The following GTPBP10 variants were observed in gnomAD, a reference collection of about 807,000 sequenced individuals.
GTPBP10 encodes GTP-binding protein 10.
A neutral mutation model predicts 44.8 loss-of-function variants in GTPBP10; 38 were observed. That is an observed-to-expected ratio of 0.85 (90% CI 0.65 to 1.11). GTPBP10 has a LOEUF of 1.11. GTPBP10 is among the 50% of genes most tolerant of loss of function. The pLI is 0.00. For synonymous variants in GTPBP10, 152 were observed against 150.6 expected (o/e 1.01, Z -0.07); for missense variants, 462 against 453.7 (o/e 1.02, Z -0.17).
Position 90,371,487 on chromosome 7 carries a change from G to A in GTPBP10, c.465-668G>A, listed in dbSNP as rs753327595. 8.3e-4 allele frequency among the ~76,000 whole-genome samples: 126 copies of A among 152,176 alleles called. 2 individuals are homozygous for A. Among genetic ancestry groups the A allele is most frequent in the Middle Eastern group, 3.2e-3 (1 of 316 alleles). ...TAGAGGGAAAAAGAGCATGTTAAGT[G>A]TCCATGTAGGTGCTAGTAGAAAAAT... On this transcript the variant is annotated intron_variant, in intron 4 of 9. Coordinates refer to ENST00000222511, the MANE Select transcript of GTPBP10 (RefSeq NM_033107.4).
intron 1 of GTPBP10, among the ~76,000 whole-genome samples, chr7:90,347,893 A>G (rs961611645): frequency 3.9e-5 from 6 of 152,252 alleles, no homozygotes; most frequent in Admixed American, 6.5e-5. Flanking sequence ...CATGTAGTAC[A>G]GAGCAAAGAG....
intron 4 of GTPBP10, among the ~76,000 whole-genome samples, chr7:90,359,966 G>A (rs551128053): frequency 4.6e-5 from 7 of 152,194 alleles, no homozygotes; most frequent in East Asian, 1.9e-4. Flanking sequence ...CATATCCTTC[G>A]CCCACTTTTT....
At chr7:90,375,657 A>G (rs1295321648) in intron 6 of GTPBP10, among the ~76,000 whole-genome samples, 3 of 152,192 alleles carry the variant, frequency 2.0e-5, no homozygotes, top group Non-Finnish European at 2.9e-5. Context: ...AAGGGAAATC[A>G]GTAGAGGAAA....
At position 90,385,287 on chromosome 7, in the gene GTPBP10, A is replaced by C; in HGVS notation, c.*133A>C. ...AGAAAGACAAATGCTGCATAATCTC[A>C]CTGTGGAATCTTAAGTTGAACTCAT... On this transcript the variant is annotated 3_prime_UTR_variant, in exon 10 of 10. Transcript: ENST00000222511. 1.5e-5 allele frequency: 9 copies of C among 617,590 alleles called. No individual in the cohort carries two copies. Among genetic ancestry groups the C allele is most frequent in the East Asian group, 5.8e-5 (2 of 34,494 alleles). 38.3% of individuals were successfully genotyped at this position (617,590 alleles called of 1,614,324 possible). A position where few individuals can be genotyped will look rare whatever the true frequency, so the allele number is the denominator to read the frequency against.
chr7:90,363,800 A>G (rs1010539869), intron 4 of GTPBP10, among the ~76,000 whole-genome samples: 24 of 152,120 alleles, frequency 1.6e-4, no homozygotes, highest in Non-Finnish European at 3.1e-4. Context: ...GTCTTTTCAC[A>G]TAGTCCCATA....
intron 4 of GTPBP10, 120 bp from the exon 5 acceptor site, chr7:90,372,035 T>G: frequency 1.7e-6 from 1 of 590,622 alleles, no homozygotes; most frequent in Non-Finnish European, 2.9e-6. Flanking sequence ...TCAAGATTAT[T>G]TATAATACAT....
intron 4 of GTPBP10, among the ~76,000 whole-genome samples, chr7:90,365,711 A>G (rs1342066511): frequency 6.6e-6 from 1 of 152,178 alleles, no homozygotes; most frequent in African/African-American, 2.4e-5. Flanking sequence ...TCATCTGCCA[A>G]CAGGACAATT....
In GTPBP10 at chr7:90,355,510, A is replaced by G. The variant is rs1795878969; in HGVS notation, c.464+280A>G. Among the ~76,000 whole-genome samples, 3 of 152,322 alleles carry G rather than the reference A, an allele frequency of 2.0e-5. No individual in the cohort carries two copies. In the South Asian group the frequency reaches 6.2e-4, roughly 32 times the overall value. ...GAAAGAAAAATCAATCAAATGCAAT[A>G]TTACAAGATGGTTAAATAATGTTAC... On this transcript the variant is annotated intron_variant, in intron 4 of 9. Coordinates refer to ENST00000222511, the MANE Select transcript of GTPBP10 (RefSeq NM_033107.4).
intron 8 of GTPBP10, 130 bp downstream of exon 8, chr7:90,378,341 T>A: frequency 8.2e-7 from 1 of 1,214,494 alleles, no homozygotes; most frequent in South Asian, 2.1e-5. Context: ...AAGAATTACT[T>A]AAACTTGTTG....
intron 4 of GTPBP10, among the ~76,000 whole-genome samples, chr7:90,366,719 CAA>C (rs57926111): frequency 0.21 from 29,134 of 138,364 alleles, 2,937 homozygotes; most frequent in South Asian, 0.23. Flanking sequence ...TAGATTCTTT[CAA>C]AAAAAAAAAA....
chr7:90,385,042 A>C lies in GTPBP10; in HGVS notation c.1052A>C (p.Asn351Thr), dbSNP rs374680644. 1 of 1,613,910 alleles carries C rather than the reference A, an allele frequency of 6.2e-7. No individual in the cohort carries two copies. The highest frequency in any genetic ancestry group is 8.5e-7 in the Non-Finnish European group (1 of 1,179,932). Residue 351 changes from asparagine (N) to threonine (T), a missense_variant, in exon 10 of 10, where the codon AAT (asparagine) becomes ACT (threonine). Physicochemically the swap from Asn to Thr is moderately conservative, Grantham distance 65 (BLOSUM62 0). Transcript: ENST00000222511. ...KSLDEQANQE[N>T]DALHKKQLLN... Reference sequence around the variant, plus strand: ...CTGGATGAACAGGCCAACCAGGAAAATGATGCACTTCATAAGAAACAGTTG... The same window carrying C: ...CTGGATGAACAGGCCAACCAGGAAACTGATGCACTTCATAAGAAACAGTTG...
At chr7:90,357,452 C>T (rs1416877210) in intron 4 of GTPBP10, among the ~76,000 whole-genome samples, 2 of 152,064 alleles carry the variant, frequency 1.3e-5, no homozygotes, top group African/African-American at 2.4e-5. Context: ...CATTAAGAAA[C>T]CTCACATAAT....
At chr7:90,360,108 T>G (rs1795985199) in intron 4 of GTPBP10, among the ~76,000 whole-genome samples, 1 of 152,074 alleles carries the variant, frequency 6.6e-6, no homozygotes, top group African/African-American at 2.4e-5. Flanking sequence ...ACTCCGATGG[T>G]AGTTTCTTTT....
chr7:90,378,382 C>A, intron 8 of GTPBP10, 171 bp downstream of exon 8: 1 of 485,910 alleles, frequency 2.1e-6, no homozygotes, highest in Non-Finnish European at 2.7e-6. Context: ...ATTTGCTCCT[C>A]AAACTACTGC....
chr7:90,380,337 C>G (rs766989245), intron 8 of GTPBP10, among the ~76,000 whole-genome samples: 9 of 152,164 alleles, frequency 5.9e-5, no homozygotes, highest in Non-Finnish European at 1.3e-4. Flanking sequence ...CCTGGCTTCC[C>G]AGAGTGCTGG....
intron 4 of GTPBP10, among the ~76,000 whole-genome samples, chr7:90,363,764 A>G (rs1435968268): frequency 6.6e-6 from 1 of 152,190 alleles, no homozygotes; most frequent in African/African-American, 2.4e-5. Context: ...CATCACTTTC[A>G]GGTACACCAA....
intron 4 of GTPBP10, among the ~76,000 whole-genome samples, chr7:90,361,162 A>C (rs1224615042): frequency 6.6e-6 from 1 of 152,176 alleles, no homozygotes; most frequent in African/African-American, 2.4e-5. Context: ...CAGAACTTCC[A>C]ATACTATGTT....
chr7:90,360,763 A>G (rs1001316353), intron 4 of GTPBP10, among the ~76,000 whole-genome samples: 2 of 152,146 alleles, frequency 1.3e-5, no homozygotes, highest in Admixed American at 6.5e-5. Context: ...GATTCTTCCT[A>G]TCGATGAGCA....
chr7:90,353,583 T>A lies in GTPBP10; in HGVS notation c.227+574T>A, dbSNP rs189024833. Among the ~76,000 whole-genome samples, 249 of 151,842 alleles carry A rather than the reference T, an allele frequency of 1.6e-3. 4 individuals carry two copies. The highest frequency in any genetic ancestry group is 0.015 in the Admixed American group (232 of 15,248). On this transcript the variant is annotated intron_variant, in intron 2 of 9. Transcript: ENST00000222511. ...ATTTGTCTATTTAGGTTATTGTTGATTTTTTTTTCCGATTATAACCACAGT... is the reference window on the plus strand; with the variant it reads ...ATTTGTCTATTTAGGTTATTGTTGAATTTTTTTTCCGATTATAACCACAGT...
Sources: allele counts gnomAD v4.1 joint callset (sites outside exome capture counted in the v4.1 genomes callset), GRCh38; gene constraint gnomAD v4.1.1; transcripts MANE v1.5; gene names NCBI Gene and HGNC (gene_info 2026-07-23, HGNC 2026-07-21).